Variants in GCFC2 observed in about 807,000 individuals in gnomAD.
GCFC2 encodes intron Large complex component GCFC2.
Under a neutral mutation model 99.4 loss-of-function variants are expected in GCFC2, and 102 were observed. The observed-to-expected ratio is 1.03, with a 90% CI of 0.87 to 1.21. The LOEUF is 1.21. Among genes scored for constraint, GCFC2 ranks in the 50% most tolerant of loss-of-function variants. The probability of loss-of-function intolerance (pLI) is 0.00; values close to 1 mark genes in which losing one functional copy is unlikely to be tolerated. For missense variants in GCFC2, 973 were observed against 920.9 expected (o/e 1.06, Z -0.73); for synonymous variants, 338 against 316.8 (o/e 1.07, Z -0.71).
Position 75,671,955 on chromosome 2 carries a change from G to T in GCFC2, c.1951C>A (p.Leu651Ile). 6.4e-7 allele frequency: 1 copy of T among 1,566,662 alleles called. No individual in the cohort carries two copies. Among genetic ancestry groups the T allele is most frequent in the Non-Finnish European group, 8.8e-7 (1 of 1,139,290 alleles). Reference sequence around the variant, plus strand: ...TTTTTGCAGTTTTTGCTCACCTTTAGGCCTGACCAGAACTGTCTTTCTTGG... The same window carrying T: ...TTTTTGCAGTTTTTGCTCACCTTTATGCCTGACCAGAACTGTCTTTCTTGG... ...KFQERQFWSGLKLFRNILLWN... is the reference protein window; with the variant it reads ...KFQERQFWSGIKLFRNILLWN... Residue 651 changes from leucine to isoleucine, a missense_variant, in exon 14 of 17, where the codon CTA (leucine) becomes ATA (isoleucine). Transcript: ENST00000321027.
At chr2:75,688,440 G>C (rs1283204865) in intron 10 of GCFC2, among the ~76,000 whole-genome samples, 1 of 152,168 alleles carries the variant, frequency 6.6e-6, no homozygotes, top group Non-Finnish European at 1.5e-5. Flanking sequence ...TTACACAGTA[G>C]GCAGTTGCTG....
chr2:75,686,287 G>T (rs1679811921), intron 11 of GCFC2, among the ~76,000 whole-genome samples: 1 of 152,002 alleles, frequency 6.6e-6, no homozygotes, highest in Non-Finnish European at 1.5e-5. Context: ...TATAAATAGA[G>T]ATGGGGTTTC....
Position 75,692,164 on chromosome 2 carries a change from T to C in GCFC2, c.1021-64A>G, listed in dbSNP as rs890858818. 6.0e-4 allele frequency: 246 copies of C among 407,324 alleles called. 10 individuals carry two copies. Among genetic ancestry groups the C allele is most frequent in the Non-Finnish European group, 6.5e-4 (178 of 272,584 alleles). 25.2% of individuals were successfully genotyped at this position (407,324 alleles called of 1,614,324 possible). On this transcript the variant is annotated intron_variant, in intron 6 of 16. Coordinates refer to ENST00000321027, the MANE Select transcript of GCFC2 (RefSeq NM_003203.5). ...ATAATGAAATATATATATATATATA[T>C]ATATATAAAAGTAATATTTAGAAGA... is the stretch of plus-strand genomic sequence containing the variant.
rs1187759027 is a variant in GCFC2, at chr2:75,706,495, C to A, written c.394+28G>T. On this transcript the variant is annotated intron_variant, in intron 2 of 16. Transcript: ENST00000321027. The stretch of plus-strand genomic sequence containing the variant: ...AAAACACTATATTAAAAATAAAATT[C>A]TTAACCAAAATCATACAAATTACTA... The A allele has an allele frequency of 4.1e-6, 6 of 1,468,818 alleles. No homozygotes were observed. The Admixed American group carries it at 5.8e-5, about 14-fold the overall frequency. 91.0% of individuals were successfully genotyped at this position (1,468,818 alleles called of 1,614,324 possible).
chr2:75,700,028 G>A (rs765112319), intron 4 of GCFC2, among the ~76,000 whole-genome samples: 1 of 151,790 alleles, frequency 6.6e-6, no homozygotes, highest in Non-Finnish European at 1.5e-5. Context: ...AGCCCCCCAA[G>A]CAGCTAGGAC....
In GCFC2 at chr2:75,680,254, T is replaced by C. The variant is rs1037493089; in HGVS notation, c.1751A>G (p.His584Arg). ...STSQTTSLIT[H>R]CRVILEEHST... is the part of the protein sequence containing the mutation. ...ATGTTCTTCAAGAATCACTCTGCAA[T>C]GTGTTATTAAACTTGTTGTCTGTGA... is the stretch of plus-strand genomic sequence containing the variant. Residue 584 changes from histidine to arginine, a missense_variant, in exon 12 of 17, where the codon CAT becomes CGT. Coordinates refer to ENST00000321027, the MANE Select transcript of GCFC2 (RefSeq NM_003203.5). The C allele has an allele frequency of 1.2e-6, 2 of 1,603,208 alleles. No individual in the cohort carries two copies. Among genetic ancestry groups the C allele is most frequent in the African/African-American group, 1.3e-5 (1 of 74,750 alleles).
chr2:75,711,108 A>G (rs1320763179), upstream of GCFC2: 1 of 1,271,792 alleles, frequency 7.9e-7, no homozygotes. Flanking sequence ...GTGGACTGAC[A>G]CCTTAGAGAT....
chr2:75,699,884 G>A (rs912242352), intron 4 of GCFC2, among the ~76,000 whole-genome samples: 9 of 151,182 alleles, frequency 6.0e-5, no homozygotes, highest in Non-Finnish European at 1.3e-4. Context: ...GCCAAATCTG[G>A]GCTTTAACGT....
In GCFC2 at chr2:75,692,026, G is replaced by A; in HGVS notation, c.1095C>T (p.Arg365=). The stretch of plus-strand genomic sequence containing the variant: ...ATTCATGTTTTAATTCATCTTGCCT[G>A]CGTTTCATAAAGGTCATAGCTTGTT... The part of the protein sequence containing the change: ...LLKQAMTFMK[R]RQDELKHEST... The change falls in exon 7 of 17, where the codon CGC becomes CGT. Residue 365 remains arginine (R), a synonymous_variant. Coordinates refer to ENST00000321027, the MANE Select transcript of GCFC2 (RefSeq NM_003203.5). 1.3e-6 allele frequency: 2 copies of A among 1,564,028 alleles called. No homozygotes were observed. The highest frequency in any genetic ancestry group is 1.7e-6 in the Non-Finnish European group (2 of 1,148,242).
rs749158950 is a variant in GCFC2, at chr2:75,673,482, T to C, written c.1851A>G (p.Ala617=). The C allele has an allele frequency of 7.0e-7, 1 of 1,430,876 alleles. No homozygotes were observed. Among genetic ancestry groups the C allele is most frequent in the East Asian group, 2.3e-5 (1 of 43,994 alleles). 88.6% of individuals were successfully genotyped at this position (1,430,876 alleles called of 1,614,324 possible). A position where few individuals can be genotyped will look rare whatever the true frequency, so the allele number is the denominator to read the frequency against. The stretch of plus-strand genomic sequence containing the variant: ...GAGGAATAAAAACATCATCTTCTAC[T>C]GCCTTTTTCATTCTTGAAACAATGG... ...LKSIVSRMKK[A]VEDDVFIPLY... The change falls in exon 13 of 17, where the codon GCA becomes GCG. Residue 617 remains alanine (A), a synonymous_variant. Coordinates refer to ENST00000321027, the MANE Select transcript of GCFC2 (RefSeq NM_003203.5).
intron 12 of GCFC2, chr2:75,679,744 C>T (rs1195384217): frequency 2.5e-6 from 1 of 398,636 alleles, no homozygotes; most frequent in Non-Finnish European, 4.4e-6. Context: ...TGAATTTGCA[C>T]TAATGAATTT....
chr2:75,712,728 C>T (rs530685976), upstream of GCFC2, among the ~76,000 whole-genome samples: 1 of 152,254 alleles, frequency 6.6e-6, no homozygotes, highest in South Asian at 2.1e-4. Context: ...AGACCACAAA[C>T]CCACCAGAAG....
chr2:75,711,281 A>T (rs1303576820), upstream of GCFC2: 2 of 885,828 alleles, frequency 2.3e-6, no homozygotes, highest in African/African-American at 3.6e-5. Context: ...ACCAAGATTT[A>T]AAACAAACGA....
Position 75,710,836 on chromosome 2 carries a change from C to T in GCFC2, c.20G>A (p.Arg7Lys), listed in dbSNP as rs778641042. 2 of 1,575,944 alleles carry T rather than the reference C, an allele frequency of 1.3e-6. No homozygotes were observed. Among genetic ancestry groups the T allele is most frequent in the Admixed American group, 1.7e-5 (1 of 58,064 alleles). MAHRPK[R>K]TFRQRAADSS... The stretch of plus-strand genomic sequence containing the variant: ...ATCAGCCGCGCGCTGCCGAAAAGTC[C>T]TTTTCGGCCTGTGAGCCATGGCCGA... The change falls in exon 1 of 17, where the codon AGG becomes AAG. Residue 7 changes from arginine to lysine, a missense_variant. Transcript: ENST00000321027.
intron 12 of GCFC2, among the ~76,000 whole-genome samples, chr2:75,678,931 G>A (rs575610827): frequency 6.6e-6 from 1 of 152,254 alleles, no homozygotes; most frequent in Non-Finnish European, 1.5e-5. Flanking sequence ...TTGGCCTGAA[G>A]AGATCCTCCT....
intron 8 of GCFC2, 51 bp from the exon 9 acceptor site, chr2:75,690,132 G>T: frequency 1.0e-6 from 1 of 978,534 alleles, no homozygotes; most frequent in South Asian, 1.4e-5. Flanking sequence ...AGTTCTTGCT[G>T]AAAATAAATG....
chr2:75,695,533 T>TTA (rs1472296447), intron 5 of GCFC2, among the ~76,000 whole-genome samples: 1 of 152,160 alleles, frequency 6.6e-6, no homozygotes, highest in African/African-American at 2.4e-5. Context: ...GTAAAATATG[T>TTA]TATAAAGACT....
At chr2:75,707,217 G>A (rs943313972) in intron 1 of GCFC2, among the ~76,000 whole-genome samples, 2 of 152,150 alleles carry the variant, frequency 1.3e-5, no homozygotes, top group Non-Finnish European at 2.9e-5. Flanking sequence ...CTGGTGGCGA[G>A]AAATATTGTA....
At chr2:75,709,690 A>G (rs1344758138) in intron 1 of GCFC2, among the ~76,000 whole-genome samples, 2 of 152,260 alleles carry the variant, frequency 1.3e-5, no homozygotes, top group Non-Finnish European at 2.9e-5. Context: ...AAGAGTAGAT[A>G]GTAAGTGTTC....
Sources: gnomAD v4.1 joint callset for allele counts (sites outside exome capture counted in the v4.1 genomes callset) on GRCh38, gnomAD v4.1.1 for gene constraint, MANE v1.5 for transcripts, NCBI Gene and HGNC (gene_info 2026-07-23, HGNC 2026-07-21) for gene names.